The following UBE2V2 variants were observed in gnomAD, a reference collection of about 807,000 sequenced individuals.
UBE2V2 encodes the protein ubiquitin conjugating enzyme E2 V2, also known as ubiquitin-conjugating enzyme E2 variant 2.
Under a neutral mutation model 17.2 loss-of-function variants are expected in UBE2V2, and 9 were observed. The observed-to-expected ratio is 0.52, with a 90% CI of 0.32 to 0.91. UBE2V2 has a LOEUF of 0.91. UBE2V2 is among the 40% of genes least tolerant of loss of function. The pLI is 0.04. For synonymous variants in UBE2V2, 61 were observed against 57.5 expected, an observed-to-expected ratio of 1.06 and a Z score of -0.28; for missense variants, 133 against 182.6, an observed-to-expected ratio of 0.73 and a Z score of 1.56.
At chr8:48,000,243 A>T in the UBE2V2 span, among the ~76,000 whole-genome samples, 3 of 152,246 alleles carry the variant, frequency 2.0e-5, no homozygotes, top group Non-Finnish European at 4.4e-5. Context: ...CCTTGCTGAC[A>T]TCATGGCACC....
rs1209066782 is a variant in UBE2V2, at chr8:48,063,775, T to TA, written c.*2949dup. 1 of 152,196 alleles carries TA rather than the reference T, an allele frequency of 6.6e-6. No individual in the cohort carries two copies. Among genetic ancestry groups the TA allele is most frequent in the Non-Finnish European group, 1.5e-5 (1 of 68,028 alleles). 9.4% of individuals were successfully genotyped at this position (152,196 alleles called of 1,614,324 possible). Reference sequence around the variant, plus strand: ...AATTTATAGCTTTATGTTATTAAAATAATTTATCACACAGAGTGATTTGAG... The same window carrying TA: ...AATTTATAGCTTTATGTTATTAAAATAAATTTATCACACAGAGTGATTTGAG... On this transcript the variant is annotated 3_prime_UTR_variant, in exon 4 of 4. Transcript: ENST00000523111.
Position 48,022,075 on chromosome 8 carries a change from G to A in UBE2V2, c.16+13605G>A, listed in dbSNP as rs183756108. ...AACTAATAACAACTTAGCCTTGATG[G>A]CCTAAAAAATCCTTTATACTTTTAC... On this transcript the variant is annotated intron_variant, in intron 1 of 3. Coordinates refer to ENST00000523111, the MANE Select transcript of UBE2V2 (RefSeq NM_003350.3). Among the ~76,000 whole-genome samples the A allele has an allele frequency of 2.9e-3, 435 of 151,702 alleles. 1 individual carries two copies. Among genetic ancestry groups the A allele is most frequent in the African/African-American group, 0.01 (426 of 41,374 alleles).
the UBE2V2 span, among the ~76,000 whole-genome samples, chr8:47,999,368 T>A: frequency 5.9e-5 from 9 of 152,048 alleles, no homozygotes; most frequent in African/African-American, 2.2e-4. Flanking sequence ...TCCCCTTTTT[T>A]TTTTTTTGAG....
Position 48,019,707 on chromosome 8 carries a change from C to T in UBE2V2, c.16+11237C>T, listed in dbSNP as rs758480339. On this transcript the variant is annotated intron_variant, in intron 1 of 3. Coordinates refer to ENST00000523111, the MANE Select transcript of UBE2V2 (RefSeq NM_003350.3). ...GCACATGCCTGTAATCCCAGCTACT[C>T]AGGAGGCTGAGGCAGGAGAATCACG... Among the ~76,000 whole-genome samples the T allele has an allele frequency of 1.4e-3, 208 of 151,130 alleles. 2 individuals carry two copies. Among genetic ancestry groups the T allele is most frequent in the Non-Finnish European group, 1.7e-3 (118 of 67,860 alleles).
intron 1 of UBE2V2, among the ~76,000 whole-genome samples, chr8:48,030,682 T>C (rs2091376246): frequency 6.6e-6 from 1 of 151,926 alleles, no homozygotes; most frequent in Non-Finnish European, 1.5e-5. Context: ...GATCGTGTAC[T>C]CCAGCCTGGG....
intron 1 of UBE2V2, among the ~76,000 whole-genome samples, chr8:48,038,635 T>C (rs1258671249): frequency 2.0e-5 from 3 of 152,046 alleles, no homozygotes; most frequent in Non-Finnish European, 4.4e-5. Flanking sequence ...CACGCCACCA[T>C]GCTTGGCTAA....
chr8:48,021,981 A>G (rs947552099), intron 1 of UBE2V2, among the ~76,000 whole-genome samples: 1 of 150,690 alleles, frequency 6.6e-6, no homozygotes, highest in African/African-American at 2.4e-5. Flanking sequence ...CGCCTGGCAT[A>G]TAGGTTTTTG....
At chr8:48,042,506 C>T (rs2091470301) in intron 1 of UBE2V2, 1 of 151,840 alleles carries the variant, frequency 6.6e-6, no homozygotes, top group Non-Finnish European at 1.5e-5. Context: ...TTCACATGCC[C>T]CTCACATGAA....
At chr8:48,008,864 C>T (rs1248681702) in intron 1 of UBE2V2, among the ~76,000 whole-genome samples, 1 of 152,128 alleles carries the variant, frequency 6.6e-6, no homozygotes, top group Admixed American at 6.5e-5. Flanking sequence ...GAAGATGGGT[C>T]AGGCCAAGAG....
chr8:48,033,470 G>A (rs1346909494), intron 1 of UBE2V2, among the ~76,000 whole-genome samples: 1 of 152,014 alleles, frequency 6.6e-6, no homozygotes, highest in Non-Finnish European at 1.5e-5. Context: ...ACAGGCATGA[G>A]CCACCACACC....
intron 3 of UBE2V2, among the ~76,000 whole-genome samples, chr8:48,054,232 C>G (rs978894583): frequency 6.6e-6 from 1 of 152,212 alleles, no homozygotes; most frequent in Non-Finnish European, 1.5e-5. Flanking sequence ...TGGCCTGCCC[C>G]TTTCCATGGA....
At chr8:48,018,756 A>G (rs2091285569) in intron 1 of UBE2V2, among the ~76,000 whole-genome samples, 1 of 151,960 alleles carries the variant, frequency 6.6e-6, no homozygotes, top group Non-Finnish European at 1.5e-5. Context: ...AGGTGTGAAA[A>G]TCTCCTACTG....
intron 1 of UBE2V2, 68 bp downstream of exon 1, chr8:48,008,538 G>A (rs1406954499): frequency 2.0e-6 from 3 of 1,511,130 alleles, no homozygotes; most frequent in East Asian, 2.9e-5. Context: ...TCTGCTGCTG[G>A]CGCCCGAGCG....
intron 3 of UBE2V2, 43 bp from the exon 4 acceptor site, chr8:48,060,639 C>T (rs1802579029): frequency 7.2e-7 from 1 of 1,380,568 alleles, no homozygotes; most frequent in Non-Finnish European, 9.4e-7. Context: ...TGCCATAGTA[C>T]TTTAAACTTG....
chr8:48,008,666 C>T (rs2091204164), intron 1 of UBE2V2, 196 bp downstream of exon 1: 2 of 641,356 alleles, frequency 3.1e-6, no homozygotes, highest in African/African-American at 2.0e-5. Context: ...GTTGGCGGGT[C>T]GTGCTCGCGC....
intron 1 of UBE2V2, among the ~76,000 whole-genome samples, chr8:48,026,911 A>G (rs532325965): frequency 6.6e-6 from 1 of 152,244 alleles, no homozygotes; most frequent in East Asian, 1.9e-4. Context: ...TTGAGTAGAT[A>G]CCTAGGAGTG....
chr8:48,055,988 G>T (rs1320525389), intron 3 of UBE2V2, among the ~76,000 whole-genome samples: 1 of 152,018 alleles, frequency 6.6e-6, no homozygotes, highest in East Asian at 1.9e-4. Flanking sequence ...TGTATCTCCT[G>T]ACCTTGTGAT....
At chr8:48,057,574 A>T (rs1028455796) in intron 3 of UBE2V2, among the ~76,000 whole-genome samples, 1 of 151,854 alleles carries the variant, frequency 6.6e-6, no homozygotes, top group African/African-American at 2.4e-5. Context: ...AAGTGCTGGG[A>T]TTACAGGCAT....
In UBE2V2 at chr8:48,015,436, T is replaced by C. The variant is rs886601149; in HGVS notation, c.16+6966T>C. Among the ~76,000 whole-genome samples, 15 of 152,184 alleles carry C rather than the reference T, an allele frequency of 9.9e-5. 1 individual carries two copies. Among genetic ancestry groups the C allele is most frequent in the Non-Finnish European group, 1.8e-4 (12 of 68,036 alleles). ...GTTTTGAAGTACATTATCTGTACAT[T>C]GTGGAATGGTTAAATCTAGCTAATT... is the stretch of plus-strand genomic sequence containing the variant. On this transcript the variant is annotated intron_variant, in intron 1 of 3. Transcript: ENST00000523111.
Sources: allele counts gnomAD v4.1 joint callset (sites outside exome capture counted in the v4.1 genomes callset), GRCh38; gene constraint gnomAD v4.1.1; transcripts MANE v1.5; gene names NCBI Gene and HGNC (gene_info 2026-07-23, HGNC 2026-07-21).